The following CPED1 variants were observed in gnomAD, a reference collection of about 807,000 sequenced individuals.
CPED1 encodes cadherin like and PC-esterase domain containing 1, also known as cadherin-like and PC-esterase domain-containing protein 1.
In CPED1, 114 loss-of-function variants were observed where a neutral mutation model predicts 128.2. That is an observed-to-expected ratio of 0.89 (90% CI 0.76 to 1.04). The LOEUF is 1.04. Among genes scored for constraint, CPED1 ranks in the 50% least tolerant of loss-of-function variants. The pLI is 0.00. For missense variants in CPED1, 1,211 were observed against 1,207.1 expected (o/e 1.00, Z -0.05); for synonymous variants, 462 against 426.7 (o/e 1.08, Z -1.02).
intron 5 of CPED1, among the ~76,000 whole-genome samples, chr7:121,068,210 A>G (rs1793895418): frequency 6.6e-6 from 1 of 152,204 alleles, no homozygotes; most frequent in Non-Finnish European, 1.5e-5. Context: ...CCTGAATGGT[A>G]TTGCCTAGGT....
chr7:121,159,245 G>A (rs1796358694), intron 16 of CPED1, among the ~76,000 whole-genome samples: 1 of 152,026 alleles, frequency 6.6e-6, no homozygotes. Context: ...ATAAATTTTA[G>A]ATTTTACGTT....
intron 16 of CPED1, among the ~76,000 whole-genome samples, chr7:121,168,491 G>A (rs1209151409): frequency 6.6e-6 from 1 of 152,070 alleles, no homozygotes; most frequent in African/African-American, 2.4e-5. Context: ...TGTATATGGG[G>A]TACATGAGAT....
At chr7:121,148,429 T>C (rs949630843) in intron 16 of CPED1, among the ~76,000 whole-genome samples, 12 of 152,186 alleles carry the variant, frequency 7.9e-5, no homozygotes, top group South Asian at 2.1e-4. Flanking sequence ...ACCTTGAACA[T>C]AGGTGATTTT....
chr7:121,007,675 G>A (rs1363689002), intron 2 of CPED1, among the ~76,000 whole-genome samples: 1 of 152,094 alleles, frequency 6.6e-6, no homozygotes, highest in Non-Finnish European at 1.5e-5. Context: ...TCTGTTTACT[G>A]AGTGTCTTCA....
At chr7:121,027,470 A>G (rs1792620459) in intron 3 of CPED1, among the ~76,000 whole-genome samples, 1 of 152,142 alleles carries the variant, frequency 6.6e-6, no homozygotes, top group Non-Finnish European at 1.5e-5. Flanking sequence ...CACTAATAAA[A>G]TAGCTGAATC....
chr7:121,158,496 C>T (rs1037643938), intron 16 of CPED1, among the ~76,000 whole-genome samples: 1 of 151,886 alleles, frequency 6.6e-6, no homozygotes, highest in African/African-American at 2.4e-5. Context: ...CCTCTTGGCT[C>T]TTAACATAGT....
intron 16 of CPED1, among the ~76,000 whole-genome samples, chr7:121,158,141 G>A (rs772769273): frequency 3.3e-5 from 5 of 152,184 alleles, no homozygotes; most frequent in Non-Finnish European, 7.3e-5. Flanking sequence ...CAAATAGGAA[G>A]TAATTATTGG....
chr7:121,277,553 C>G (rs1792354402), intron 22 of CPED1, among the ~76,000 whole-genome samples: 1 of 152,080 alleles, frequency 6.6e-6, no homozygotes, highest in Non-Finnish European at 1.5e-5. Flanking sequence ...GCTGCATTGC[C>G]TACACGTCAT....
chr7:121,152,077 C>A (rs1796172019), intron 16 of CPED1, among the ~76,000 whole-genome samples: 1 of 152,238 alleles, frequency 6.6e-6, no homozygotes, highest in East Asian at 1.9e-4. Context: ...TCACCCACAC[C>A]CTTTTATAGG....
At chr7:121,193,995 G>GCTCTCT (rs373934011) in intron 16 of CPED1, among the ~76,000 whole-genome samples, 99 of 87,320 alleles carry the variant, frequency 1.1e-3, no homozygotes, top group African/African-American at 2.8e-3. Context: ...GGATGAGCAA[G>GCTCTCT]CTCTCTCTCT....
rs202149555 is a variant in CPED1 at position 120,989,585 on chromosome 7, G to A, written c.-37G>A. The A allele has an allele frequency of 5.1e-5, 82 of 1,602,260 alleles. No individual in the cohort carries two copies. The highest frequency in any genetic ancestry group is 6.4e-5 in the Non-Finnish European group (75 of 1,174,922). On this transcript the variant is annotated 5_prime_UTR_variant, in exon 2 of 23. Transcript: ENST00000310396. ...AAAAATAGCTGCTATGACTTTTCCCGCAACGTGGACAGGGGCCAAGTGAAG... is the reference window on the plus strand; with the variant it reads ...AAAAATAGCTGCTATGACTTTTCCCACAACGTGGACAGGGGCCAAGTGAAG...
intron 16 of CPED1, among the ~76,000 whole-genome samples, chr7:121,160,936 A>C (rs1220412308): frequency 6.6e-6 from 1 of 152,074 alleles, no homozygotes; most frequent in African/African-American, 2.4e-5. Context: ...ACAATGAGAC[A>C]ATGATCGAGG....
intron 7 of CPED1, among the ~76,000 whole-genome samples, chr7:121,118,261 TA>T (rs1350694901): frequency 6.6e-6 from 1 of 152,104 alleles, no homozygotes; most frequent in East Asian, 1.9e-4. Context: ...ATATATGAAT[TA>T]ATTGAATAAA....
At chr7:121,211,177 G>A (rs1057370572) in intron 16 of CPED1, among the ~76,000 whole-genome samples, 6 of 151,808 alleles carry the variant, frequency 4.0e-5, no homozygotes, top group African/African-American at 1.5e-4. Context: ...AATACCATAG[G>A]GAAAGATAAA....
rs754726185 is a variant in CPED1 at position 121,100,100 on chromosome 7, C to T, written c.918+6C>T. 2 of 1,612,606 alleles carry T rather than the reference C, an allele frequency of 1.2e-6. No homozygotes were observed. The highest frequency in any genetic ancestry group is 1.7e-6 in the Non-Finnish European group (2 of 1,179,196). The stretch of plus-strand genomic sequence containing the variant: ...AAAAACGCTTCACTGTCAAGGTAAG[C>T]TCTCGGTTGAAGCTATTATTTCACG... On this transcript the variant is annotated splice_donor_region_variant and intron_variant, in intron 7 of 22. Transcript: ENST00000310396.
intron 16 of CPED1, among the ~76,000 whole-genome samples, chr7:121,203,430 G>T (rs1797446400): frequency 6.6e-6 from 1 of 152,046 alleles, no homozygotes; most frequent in Non-Finnish European, 1.5e-5. Context: ...TGTGACTCCT[G>T]GTCATGTCTT....
rs193209017 is a variant in CPED1 at position 121,171,106 on chromosome 7, T to C, written c.2055+28965T>C. 2.0e-5 allele frequency among the ~76,000 whole-genome samples: 3 copies of C among 152,170 alleles called. No homozygotes were observed. In the East Asian group the frequency reaches 5.8e-4, roughly 29 times the overall value. On this transcript the variant is annotated intron_variant, in intron 16 of 22. Coordinates refer to ENST00000310396, the MANE Select transcript of CPED1 (RefSeq NM_024913.5). Reference sequence around the variant, plus strand: ...TTCAAAAGGAGATCTTCATGTCTCTTAGTCTACTAGTTTTGCCTACCAAGG... The same window carrying C: ...TTCAAAAGGAGATCTTCATGTCTCTCAGTCTACTAGTTTTGCCTACCAAGG...
intron 16 of CPED1, among the ~76,000 whole-genome samples, chr7:121,179,242 G>A (rs543029081): frequency 6.6e-6 from 1 of 152,188 alleles, no homozygotes; most frequent in Non-Finnish European, 1.5e-5. Context: ...CAGACGCTAG[G>A]CTGCAAGCCT....
chr7:121,196,928 A>G (rs1431383919), intron 16 of CPED1, among the ~76,000 whole-genome samples: 1 of 152,060 alleles, frequency 6.6e-6, no homozygotes, highest in African/African-American at 2.4e-5. Flanking sequence ...TTTGGTTGCC[A>G]TTACTGGACT....
Sources: gnomAD v4.1 joint callset for allele counts (sites outside exome capture counted in the v4.1 genomes callset) on GRCh38, gnomAD v4.1.1 for gene constraint, MANE v1.5 for transcripts, NCBI Gene and HGNC (gene_info 2026-07-23, HGNC 2026-07-21) for gene names.